The following CTNNA2 variants were observed in gnomAD, a reference collection of about 807,000 sequenced individuals.
CTNNA2 encodes catenin alpha 2, also known as catenin alpha-2.
A neutral mutation model predicts 101.0 loss-of-function variants in CTNNA2; 42 were observed. The observed-to-expected ratio is 0.42, with a 90% CI of 0.32 to 0.54. The LOEUF (loss-of-function observed/expected upper bound fraction) is 0.54, where lower values mean the gene tolerates loss of function less well. CTNNA2 is among the 20% of genes least tolerant of loss of function. The pLI, the probability that CTNNA2 is intolerant of heterozygous loss-of-function variation, is 0.14. For missense variants in CTNNA2, 871 were observed against 1,223.1 expected, an observed-to-expected ratio of 0.71 and a Z score of 4.29; for synonymous variants, 450 against 456.4, an observed-to-expected ratio of 0.99 and a Z score of 0.18.
At chr2:79,601,600 A>G (rs62140075) in intron 1 of CTNNA2, among the ~76,000 whole-genome samples, 6,861 of 152,316 alleles carry the variant, frequency 0.045, 221 homozygotes, top group Non-Finnish European at 0.065. Flanking sequence ...ATCTGGTTGG[A>G]ACAACAGCAT....
intron 4 of CTNNA2, among the ~76,000 whole-genome samples, chr2:79,404,952 G>A (rs1389687587): frequency 6.6e-6 from 1 of 151,952 alleles, no homozygotes; most frequent in Non-Finnish European, 1.5e-5. Flanking sequence ...TATCATTCAT[G>A]AACCATGTAG....
chr2:80,424,168 C>T (rs553613510), intron 9 of CTNNA2, among the ~76,000 whole-genome samples: 4 of 152,130 alleles, frequency 2.6e-5, no homozygotes, highest in Admixed American at 6.5e-5. Context: ...GTTGGCCAGG[C>T]TGGTCTCAAA....
intron 7 of CTNNA2, among the ~76,000 whole-genome samples, chr2:80,360,787 A>G (rs191663245): frequency 6.6e-6 from 1 of 152,188 alleles, no homozygotes; most frequent in Admixed American, 6.6e-5. Context: ...ATTTTGACTT[A>G]CTTGCTTTCT....
intron 7 of CTNNA2, among the ~76,000 whole-genome samples, chr2:80,221,505 G>A (rs973073299): frequency 6.6e-6 from 1 of 152,180 alleles, no homozygotes; most frequent in African/African-American, 2.4e-5. Context: ...CCCAGGAATG[G>A]CTAAGTGAAA....
chr2:80,490,702 GA>G (rs1365077164), intron 9 of CTNNA2, among the ~76,000 whole-genome samples: 1 of 151,848 alleles, frequency 6.6e-6, no homozygotes, highest in African/African-American at 2.4e-5. Flanking sequence ...TAATATCTAA[GA>G]AAAAAAGTCA....
At position 79,793,888 on chromosome 2, in the gene CTNNA2, GCACACACA is replaced by G. The variant is rs71385299; in HGVS notation, c.298+49331_298+49338del. Among the ~76,000 whole-genome samples, 304 of 142,722 alleles carry G rather than the reference GCACACACA, an allele frequency of 2.1e-3. 2 individuals carry two copies. The highest frequency in any genetic ancestry group is 6.1e-3 in the African/African-American group (234 of 38,474). 93.6% of individuals were successfully genotyped at this position (142,722 alleles called of 152,430 possible). A position where few individuals can be genotyped will look rare whatever the true frequency, so the allele number is the denominator to read the frequency against. On this transcript the variant is annotated intron_variant, in intron 3 of 18. Transcript: ENST00000402739. ...CAATACCACACACACACACACTCAT[GCACACACA>G]CACACACACACACACACACACACAG...
intron 1 of CTNNA2, among the ~76,000 whole-genome samples, chr2:79,641,389 C>A (rs1211314859): frequency 6.6e-6 from 1 of 152,048 alleles, no homozygotes; most frequent in Non-Finnish European, 1.5e-5. Context: ...AAATTAATTG[C>A]CAAAGAAGCT....
At chr2:80,573,588 G>A (rs1694789201) in intron 12 of CTNNA2, among the ~76,000 whole-genome samples, 1 of 152,194 alleles carries the variant, frequency 6.6e-6, no homozygotes, top group South Asian at 2.1e-4. Flanking sequence ...AGTGGGAAGG[G>A]TTGTATCATT....
At chr2:79,623,415 A>G (rs1371138848) in intron 1 of CTNNA2, among the ~76,000 whole-genome samples, 1 of 152,148 alleles carries the variant, frequency 6.6e-6, no homozygotes, top group African/African-American at 2.4e-5. Context: ...AGCCACACTA[A>G]TCAGCTATTT....
chr2:80,035,511 G>A (rs1237702664), intron 7 of CTNNA2, among the ~76,000 whole-genome samples: 1 of 152,078 alleles, frequency 6.6e-6, no homozygotes, highest in Non-Finnish European at 1.5e-5. Flanking sequence ...TGACAGCCTA[G>A]CACCTACTAA....
intron 3 of CTNNA2, among the ~76,000 whole-genome samples, chr2:79,350,550 G>T (rs1558640498): frequency 6.6e-6 from 1 of 152,072 alleles, no homozygotes; most frequent in African/African-American, 2.4e-5. Flanking sequence ...TGGACACTTA[G>T]GTTGATTCTA....
At chr2:80,018,625 C>G (rs893845625) in intron 7 of CTNNA2, among the ~76,000 whole-genome samples, 1 of 151,836 alleles carries the variant, frequency 6.6e-6, no homozygotes, top group African/African-American at 2.4e-5. Context: ...ACAGAAAATA[C>G]AAAAAATTAG....
chr2:79,949,949 C>A (rs547929151), intron 7 of CTNNA2, among the ~76,000 whole-genome samples: 141 of 151,798 alleles, frequency 9.3e-4, no homozygotes, highest in African/African-American at 3.2e-3. Flanking sequence ...TTTTTCTGAA[C>A]GTTTATAGAA....
intron 9 of CTNNA2, among the ~76,000 whole-genome samples, chr2:80,439,685 G>C (rs1192968391): frequency 6.6e-6 from 1 of 152,176 alleles, no homozygotes. Flanking sequence ...ACAGGCATGA[G>C]CCACCACGCC....
rs796737174 is a variant in CTNNA2 at position 79,777,698 on chromosome 2, T to A, written c.298+33116T>A. On this transcript the variant is annotated intron_variant, in intron 3 of 18. Coordinates refer to ENST00000402739, the MANE Select transcript of CTNNA2 (RefSeq NM_001282597.3). Reference sequence around the variant, plus strand: ...AAAAGGATGGGAATCTGACCTGATTTTATTAAATCAATTCTAGGATGGCAG... The same window carrying A: ...AAAAGGATGGGAATCTGACCTGATTATATTAAATCAATTCTAGGATGGCAG... Among the ~76,000 whole-genome samples the A allele has an allele frequency of 1.2e-3, 177 of 152,296 alleles. 1 individual carries two copies. The highest frequency in any genetic ancestry group is 4.0e-3 in the African/African-American group (167 of 41,574).
chr2:79,851,127 A>G (rs1033026728), intron 3 of CTNNA2, among the ~76,000 whole-genome samples: 3 of 152,216 alleles, frequency 2.0e-5, no homozygotes, highest in African/African-American at 7.2e-5. Flanking sequence ...TTCTTCCAAG[A>G]AAAGGAGCCA....
chr2:80,250,665 G>A (rs1434851658), intron 7 of CTNNA2, among the ~76,000 whole-genome samples: 1 of 152,076 alleles, frequency 6.6e-6, no homozygotes, highest in Non-Finnish European at 1.5e-5. Flanking sequence ...CATTCCATTG[G>A]GATAATGAGC....
chr2:79,936,854 T>G (rs988991515), intron 7 of CTNNA2, among the ~76,000 whole-genome samples: 30 of 152,156 alleles, frequency 2.0e-4, no homozygotes, highest in African/African-American at 7.0e-4. Flanking sequence ...GCTTGAAGTC[T>G]CTTAGATTTT....
intron 4 of CTNNA2, among the ~76,000 whole-genome samples, chr2:79,492,956 A>G (rs1671218862): frequency 6.6e-6 from 1 of 152,182 alleles, no homozygotes; most frequent in East Asian, 1.9e-4. Context: ...AAAAGCAAAA[A>G]TCACAACATC....
Sources: gnomAD v4.1 joint callset for allele counts (sites outside exome capture counted in the v4.1 genomes callset) on GRCh38, gnomAD v4.1.1 for gene constraint, MANE v1.5 for transcripts, NCBI Gene and HGNC (gene_info 2026-07-23, HGNC 2026-07-21) for gene names.